BAAT: variants seen among roughly 807,000 people sequenced by gnomAD.
BAAT encodes bile acid-CoA:amino acid N-acyltransferase.
Under a neutral mutation model 18.9 loss-of-function variants are expected in BAAT, and 13 were observed. The observed-to-expected ratio is 0.69, with a 90% CI of 0.45 to 1.10. The LOEUF (loss-of-function observed/expected upper bound fraction) is 1.10. Ranked by LOEUF, BAAT falls within the 50% of genes least tolerant of loss-of-function variation. The pLI is 0.00. For missense variants in BAAT, 489 were observed against 504.0 expected, an observed-to-expected ratio of 0.97 and a Z score of 0.28; for synonymous variants, 170 against 190.7, an observed-to-expected ratio of 0.89 and a Z score of 0.89.
intron 1 of BAAT, among the ~76,000 whole-genome samples, chr9:101,372,627 T>TG (rs1829972933): frequency 6.6e-6 from 1 of 150,836 alleles, no homozygotes; most frequent in Non-Finnish European, 1.5e-5. Flanking sequence ...TTGTTGGTTT[T>TG]TTTTTTTTTT....
At chr9:101,367,459 T>C (rs1430280643) in intron 3 of BAAT, among the ~76,000 whole-genome samples, 1 of 151,894 alleles carries the variant, frequency 6.6e-6, no homozygotes, top group African/African-American at 2.4e-5. Context: ...TTTGAGTGCT[T>C]AGTATTGCCA....
intron 2 of BAAT, among the ~76,000 whole-genome samples, chr9:101,369,402 T>C (rs954275481): frequency 6.6e-6 from 1 of 152,268 alleles, no homozygotes; most frequent in Admixed American, 6.5e-5. Context: ...TTAAAAGTAC[T>C]GAGTCTTTTA....
At chr9:101,368,742 T>A (rs1829876529) in intron 2 of BAAT, among the ~76,000 whole-genome samples, 1 of 152,088 alleles carries the variant, frequency 6.6e-6, no homozygotes. Context: ...TATAAAGAAG[T>A]ATACAAATAA....
At position 101,371,391 on chromosome 9, in the gene BAAT, G is replaced by A; in HGVS notation, c.14C>T (p.Thr5Ile). 1 of 1,610,428 alleles carries A rather than the reference G, an allele frequency of 6.2e-7. No individual in the cohort carries two copies. The highest frequency in any genetic ancestry group is 8.5e-7 in the Non-Finnish European group (1 of 1,179,966). The change falls in exon 2 of 4, where the codon ACA (threonine) becomes ATA (isoleucine). Residue 5 changes from threonine (T) to isoleucine (I), a missense_variant. Thr to Ile is a moderately conservative substitution (Grantham distance 89, BLOSUM62 -1). Transcript: ENST00000259407. ...AACAAGTGCACTCACAGGGGTAGCT[G>A]TCAACTGGATCATTTTTTTAGTGTG... MIQL[T>I]ATPVSALVDE...
intron 1 of BAAT, chr9:101,376,170 C>A (rs1007039364): frequency 2.4e-5 from 4 of 169,176 alleles, no homozygotes; most frequent in African/African-American, 4.8e-5. Context: ...AGAACTGCAA[C>A]TGGTTTTTTT....
intron 1 of BAAT, among the ~76,000 whole-genome samples, chr9:101,383,817 A>G (rs150336779): frequency 3.3e-5 from 5 of 152,248 alleles, no homozygotes; most frequent in South Asian, 2.1e-4. Context: ...TTCTTCTGCA[A>G]TAAAATACTC....
In BAAT at chr9:101,362,598, G is replaced by A; in HGVS notation, c.1087C>T (p.Leu363=). ...TLLSYPGAGH[L]IEPPYSPLCC... is the part of the protein sequence containing the mutation. ...AGAGGAGAATAGGGAGGTTCTATCAGGTGGCCTGCCCCAGGGTAAGATAGC... is the reference window on the plus strand; with the variant it reads ...AGAGGAGAATAGGGAGGTTCTATCAAGTGGCCTGCCCCAGGGTAAGATAGC... The change falls in exon 4 of 4, where the codon CTG becomes TTG. Residue 363 remains leucine, a synonymous_variant. Transcript: ENST00000259407. The A allele has an allele frequency of 1.2e-6, 2 of 1,614,122 alleles. No individual in the cohort carries two copies. Among genetic ancestry groups the A allele is most frequent in the Non-Finnish European group, 8.5e-7 (1 of 1,180,032 alleles).
chr9:101,372,294 TA>T (rs11349375), intron 1 of BAAT, among the ~76,000 whole-genome samples: 111,733 of 145,158 alleles, frequency 0.77, 43,210 homozygotes, highest in Non-Finnish European at 0.84. Flanking sequence ...AAATGAAAGT[TA>T]AAAAAAAAAA....
chr9:101,380,127 G>T lies in BAAT; in HGVS notation c.-60+4728C>A, dbSNP rs190209486. 5.9e-4 allele frequency among the ~76,000 whole-genome samples: 87 copies of T among 148,152 alleles called. 3 individuals carry two copies. The East Asian group carries it at 0.015, about 26-fold the overall frequency. On this transcript the variant is annotated intron_variant, in intron 1 of 3. Coordinates refer to ENST00000259407, the MANE Select transcript of BAAT (RefSeq NM_001701.4). ...CCCAATTAGAAAGCTGGAGTGTGGA[G>T]GTTATAGCAACTCCATCTTGAATTC...
intron 1 of BAAT, among the ~76,000 whole-genome samples, chr9:101,375,122 G>A (rs993346558): frequency 6.6e-6 from 1 of 152,144 alleles, no homozygotes; most frequent in East Asian, 1.9e-4. Flanking sequence ...CTGTTCTCAT[G>A]GTAGTGAATA....
chr9:101,375,408 G>A (rs1830022408), intron 1 of BAAT: 1 of 207,692 alleles, frequency 4.8e-6, no homozygotes. Context: ...GTTCCTTCAG[G>A]ATCCTAAACT....
intron 2 of BAAT, among the ~76,000 whole-genome samples, chr9:101,368,543 T>C (rs1829873831): frequency 6.6e-6 from 1 of 152,170 alleles, no homozygotes; most frequent in Non-Finnish European, 1.5e-5. Context: ...TCCAACACTT[T>C]CAGCCTTCTA....
chr9:101,363,717 C>A, intron 3 of BAAT, among the ~76,000 whole-genome samples: 1 of 151,576 alleles, frequency 6.6e-6, no homozygotes, highest in East Asian at 1.9e-4. Context: ...GGCTAGACTG[C>A]CAACCCAGAT....
At chr9:101,381,554 T>A (rs900182407) in intron 1 of BAAT, among the ~76,000 whole-genome samples, 2 of 151,796 alleles carry the variant, frequency 1.3e-5, no homozygotes, top group African/African-American at 4.8e-5. Flanking sequence ...AATACATACA[T>A]AAAAATAAAA....
Position 101,368,222 on chromosome 9 carries a change from C to T in BAAT, c.567G>A (p.Leu189=). 2 of 1,607,320 alleles carry T rather than the reference C, an allele frequency of 1.2e-6. No homozygotes were observed. Among genetic ancestry groups the T allele is most frequent in the South Asian group, 2.2e-5 (2 of 90,938 alleles). The change falls in exon 3 of 4, where the codon TTG becomes TTA. Residue 189 remains leucine (L), a synonymous_variant. Transcript: ENST00000259407. ...CTTCATAGTTATGGTAAGCCAAGGC[C>T]AAGGAGGCGAAGCCACGACTGGCTA... The part of the protein sequence containing the change: ...SLLASRGFAS[L]ALAYHNYEDL...
At chr9:101,370,804 A>G in intron 2 of BAAT, 135 bp downstream of exon 2, 1 of 987,336 alleles carries the variant, frequency 1.0e-6, no homozygotes, top group Non-Finnish European at 1.6e-6. Context: ...TGGAGGGATA[A>G]TGCATTTAAG....
At chr9:101,370,789 A>C in intron 2 of BAAT, 150 bp downstream of exon 2, 1 of 891,016 alleles carries the variant, frequency 1.1e-6, no homozygotes, top group South Asian at 1.5e-5. Context: ...TTCAAGTTAA[A>C]TTTCTGGAGG....
chr9:101,381,854 T>C (rs1379682348), intron 1 of BAAT, among the ~76,000 whole-genome samples: 4 of 152,202 alleles, frequency 2.6e-5, no homozygotes, highest in Admixed American at 2.6e-4. Context: ...CCAAGTACCG[T>C]ATTTCATTTG....
rs1829872629 is a variant in BAAT at position 101,368,435 on chromosome 9, T to C, written c.467-113A>G. 2.1e-5 allele frequency: 20 copies of C among 968,804 alleles called. 1 individual carries two copies. Among genetic ancestry groups the C allele is most frequent in the Middle Eastern group, 6.6e-4 (2 of 3,026 alleles). 60.0% of individuals were successfully genotyped at this position (968,804 alleles called of 1,614,324 possible). On this transcript the variant is annotated intron_variant, in intron 2 of 3. Transcript: ENST00000259407. ...ATTAGATAATAAAAGATAAAATAAA[T>C]AAATAAAAGATAATAAAAACATGAG...
Sources: allele counts gnomAD v4.1 joint callset (sites outside exome capture counted in the v4.1 genomes callset), GRCh38; gene constraint gnomAD v4.1.1; transcripts MANE v1.5; gene names NCBI Gene and HGNC (gene_info 2026-07-23, HGNC 2026-07-21).